The following SGSM2 variants were observed in gnomAD, a reference collection of about 807,000 sequenced individuals.
SGSM2 encodes the protein small G protein signaling modulator 2, also known as RUN and TBC1 domain containing 1.
SGSM2 carries 89 observed loss-of-function variants against 126.6 expected under a neutral mutation model. That is an observed-to-expected ratio of 0.70 (90% CI 0.59 to 0.84). The LOEUF (loss-of-function observed/expected upper bound fraction) is 0.84. Ranked by LOEUF, SGSM2 falls within the 40% of genes least tolerant of loss-of-function variation. The pLI, the probability that SGSM2 is intolerant of heterozygous loss-of-function variation, is 0.00. For synonymous variants in SGSM2, 614 were observed against 574.3 expected (o/e 1.07, Z -0.99); for missense variants, 1,404 against 1,416.6 (o/e 0.99, Z 0.14).
chr17:2,371,270 G>T lies in SGSM2; in HGVS notation c.1432G>T (p.Asp478Tyr), dbSNP rs1368071399. ...ACCCTTCCTGCCCGCAGACGCTGGT[G>T]ACATGATCGAGATGCAGGGCTTTGG... ...TAPNPMKDAGDMIEMQGFGPS... is the reference protein window; with the variant it reads ...TAPNPMKDAGYMIEMQGFGPS... Residue 478 changes from aspartate to tyrosine, a missense_variant, in exon 13 of 24, where the codon GAC (aspartate) becomes TAC (tyrosine). Coordinates refer to ENST00000268989, the MANE Select transcript of SGSM2 (RefSeq NM_014853.3). The T allele has an allele frequency of 3.1e-6, 5 of 1,611,732 alleles. No homozygotes were observed. In the African/African-American group the frequency reaches 4.0e-5, roughly 13 times the overall value.
At chr17:2,340,438 C>T (rs1358125860) in intron 1 of SGSM2, among the ~76,000 whole-genome samples, 1 of 152,062 alleles carries the variant, frequency 6.6e-6, no homozygotes, top group Non-Finnish European at 1.5e-5. Flanking sequence ...CTTTTTCCAC[C>T]AGTGCTTAGA....
Position 2,372,127 on chromosome 17 carries a change from TC to T in SGSM2, c.1578-62del, listed in dbSNP as rs2065898880. 1.6e-5 allele frequency: 25 copies of T among 1,583,608 alleles called. No homozygotes were observed. In the South Asian group the frequency reaches 2.7e-4, roughly 17 times the overall value. ...CCCCCCAGGACAGAGCCTCCTCCCTTCTCTCTCTCCTCCCACCAGAGGGGCC... is the reference window on the plus strand; with the variant it reads ...CCCCCCAGGACAGAGCCTCCTCCCTTTCTCTCTCCTCCCACCAGAGGGGCC... On this transcript the variant is annotated intron_variant, in intron 13 of 23. Transcript: ENST00000268989. This position sits in a 1 kb window ranked among gnomAD's most constrained non-coding sequence, Gnocchi z 6.0.
At position 2,379,207 on chromosome 17, in the gene SGSM2, C is replaced by T. The variant is rs765708716; in HGVS notation, c.3067+4C>T. 6.2e-6 allele frequency: 10 copies of T among 1,613,914 alleles called. No homozygotes were observed. The highest frequency in any genetic ancestry group is 3.3e-5 in the Admixed American group (2 of 60,000). On this transcript the variant is annotated splice_donor_region_variant and intron_variant, in intron 23 of 23. Coordinates refer to ENST00000268989, the MANE Select transcript of SGSM2 (RefSeq NM_014853.3). Reference sequence around the variant, plus strand: ...GACATCATCAAGTTTTTCAATGGTACGAGCTGGTCCAGCCATCCAGGCTGC... The same window carrying T: ...GACATCATCAAGTTTTTCAATGGTATGAGCTGGTCCAGCCATCCAGGCTGC...
In SGSM2 at chr17:2,364,033, C is replaced by T. The variant is rs192449783; in HGVS notation, c.808-26C>T. On this transcript the variant is annotated intron_variant, in intron 7 of 23. Coordinates refer to ENST00000268989, the MANE Select transcript of SGSM2 (RefSeq NM_014853.3). ...TGAGAGCCTCTCAGCCCTTCATCGTCGGTCTTCCGGTGTCTCCCGCTGTAG... is the reference window on the plus strand; with the variant it reads ...TGAGAGCCTCTCAGCCCTTCATCGTTGGTCTTCCGGTGTCTCCCGCTGTAG... The T allele has an allele frequency of 9.7e-4, 1,567 of 1,613,866 alleles. 2 individuals are homozygous for T. Among genetic ancestry groups the T allele is most frequent in the Non-Finnish European group, 1.3e-3 (1,499 of 1,179,948 alleles).
At position 2,337,862 on chromosome 17, in the gene SGSM2, G is replaced by T; in HGVS notation, c.57+117G>T. Reference sequence around the variant, plus strand: ...ACCCGGGCCGAACCTGGGCCGGGCGGGGCGGGTCCTGGACGGGCTGCGCCT... The same window carrying T: ...ACCCGGGCCGAACCTGGGCCGGGCGTGGCGGGTCCTGGACGGGCTGCGCCT... On this transcript the variant is annotated intron_variant, in intron 1 of 23. Coordinates refer to ENST00000268989, the MANE Select transcript of SGSM2 (RefSeq NM_014853.3). This position sits in a 1 kb window ranked among gnomAD's most constrained non-coding sequence, Gnocchi z 5.1. The T allele has an allele frequency of 1.7e-6, 1 of 599,758 alleles. No individual in the cohort carries two copies. Among genetic ancestry groups the T allele is most frequent in the Non-Finnish European group, 2.5e-6 (1 of 406,418 alleles). The allele number at this position is 599,758 out of a possible 1,614,324, so 37.2% of individuals were successfully genotyped here. A position where few individuals can be genotyped will look rare whatever the true frequency, so the allele number is the denominator to read the frequency against.
At chr17:2,376,580 G>A (rs990529998) in intron 19 of SGSM2, 153 bp from the exon 20 acceptor site, 13 of 857,940 alleles carry the variant, frequency 1.5e-5, no homozygotes, top group South Asian at 6.2e-5. Context: ...GTTGTTCCCC[G>A]TTGTCTCCCT....
intron 2 of SGSM2, among the ~76,000 whole-genome samples, chr17:2,352,411 G>A (rs112271956): frequency 3.7e-3 from 565 of 152,312 alleles, no homozygotes; most frequent in Non-Finnish European, 5.9e-3. Flanking sequence ...CTCCCCTGTC[G>A]TGCAGATGGC....
In SGSM2 at chr17:2,362,155, G is replaced by C. The variant is rs1478320563; in HGVS notation, c.343G>C (p.Ala115Pro). 1.2e-6 allele frequency: 2 copies of C among 1,613,858 alleles called. No homozygotes were observed. Among genetic ancestry groups the C allele is most frequent in the South Asian group, 2.2e-5 (2 of 91,090 alleles). The change falls in exon 4 of 24, where the codon GCC becomes CCC. Residue 115 changes from alanine to proline, a missense_variant. Ala to Pro is a conservative substitution (Grantham distance 27, BLOSUM62 -1). Coordinates refer to ENST00000268989, the MANE Select transcript of SGSM2 (RefSeq NM_014853.3). The surrounding 1 kb of genome is among the most constrained non-coding windows in gnomAD (Gnocchi z 4.9). ...GGAGGCCCTGCGGAGACAGGGCTCA[G>C]CCAGCGGGAAGGCCCCGGCCCTCAG... ...SQEALRRQGS[A>P]SGKAPALSPQ...
At chr17:2,361,939 G>A in intron 3 of SGSM2, 140 bp downstream of exon 3, 1 of 1,323,342 alleles carries the variant, frequency 7.6e-7, no homozygotes, top group Non-Finnish European at 1.0e-6. Flanking sequence ...CAGCTTGAGG[G>A]AGGGGATTGG....
intron 13 of SGSM2, chr17:2,371,702 C>T (rs940684862): frequency 2.1e-5 from 9 of 427,770 alleles, no homozygotes; most frequent in Non-Finnish European, 3.3e-5. Flanking sequence ...AGTGAAGGTC[C>T]GGAGTTGTGC....
In SGSM2 at chr17:2,372,804, A is replaced by T. The variant is rs1468319786; in HGVS notation, c.1789-149A>T. 9.3e-7 allele frequency: 1 copy of T among 1,080,378 alleles called. No individual in the cohort carries two copies. Among genetic ancestry groups the T allele is most frequent in the Admixed American group, 2.8e-5 (1 of 35,722 alleles). 66.9% of individuals were successfully genotyped at this position (1,080,378 alleles called of 1,614,324 possible). A position where few individuals can be genotyped will look rare whatever the true frequency, so the allele number is the denominator to read the frequency against. The stretch of plus-strand genomic sequence containing the variant: ...ATCCCACTGTGAGCTGGGGCACGGG[A>T]GGACGTGGCCACCCCAAAGCAGGCC... On this transcript the variant is annotated intron_variant, in intron 15 of 23. Transcript: ENST00000268989. This position sits in a 1 kb window ranked among gnomAD's most constrained non-coding sequence, Gnocchi z 6.0.
At position 2,380,106 on chromosome 17, in the gene SGSM2, G is replaced by C. The variant is rs1597405568; in HGVS notation, c.*586G>C. ...CTCCCCCGAGATTCTGGGGCAGTCG[G>C]AAGATGTGGGCCCTGGGTGGGAGCA... On this transcript the variant is annotated 3_prime_UTR_variant, in exon 24 of 24. Transcript: ENST00000268989. 1 of 1,399,298 alleles carries C rather than the reference G, an allele frequency of 7.1e-7. No individual in the cohort carries two copies. Among genetic ancestry groups the C allele is most frequent in the East Asian group, 2.7e-5 (1 of 36,450 alleles). The allele number at this position is 1,399,298 out of a possible 1,614,324, so 86.7% of individuals were successfully genotyped here. A position where few individuals can be genotyped will look rare whatever the true frequency, so the allele number is the denominator to read the frequency against.
Position 2,380,574 on chromosome 17 carries a change from C to G in SGSM2, c.*1054C>G. ...CCAAGAGGCCTAGGAACCCAGAAAC[C>G]CCCTTGGAGGAGCTGTGTATGCGGG... On this transcript the variant is annotated 3_prime_UTR_variant, in exon 24 of 24. Transcript: ENST00000268989. 1.9e-6 allele frequency: 1 copy of G among 533,140 alleles called. No individual in the cohort carries two copies. The highest frequency in any genetic ancestry group is 3.4e-6 in the Non-Finnish European group (1 of 294,944). The allele number at this position is 533,140 out of a possible 1,614,324, so 33.0% of individuals were successfully genotyped here.
At chr17:2,339,708 A>G (rs2064263554) in intron 1 of SGSM2, among the ~76,000 whole-genome samples, 1 of 134,990 alleles carries the variant, frequency 7.4e-6, no homozygotes, top group South Asian at 2.4e-4. Context: ...ACTCCATCTC[A>G]AAAAAAAAAA....
intron 17 of SGSM2, chr17:2,373,730 T>C (rs2151627397): frequency 1.8e-6 from 1 of 564,560 alleles, no homozygotes; most frequent in East Asian, 2.9e-5. Flanking sequence ...GAGAGTGCAT[T>C]GTGCTCAGTT....
rs146045413 is a variant in SGSM2, at chr17:2,363,030, G to T, written c.568G>T (p.Asp190Tyr). 1 of 1,614,002 alleles carries T rather than the reference G, an allele frequency of 6.2e-7. No individual in the cohort carries two copies. The highest frequency in any genetic ancestry group is 8.5e-7 in the Non-Finnish European group (1 of 1,180,032). ...GGAATACACTAAGCTCAAGACAGCC[G>T]ATCACTACTGGACTGACCCCTCTGC... ...ALEYTKLKTA[D>Y]HYWTDPSADE... The change falls in exon 6 of 24, where the codon GAT becomes TAT. Residue 190 changes from aspartate (D) to tyrosine (Y), a missense_variant. By Grantham distance (160) the Asp-to-Tyr change is radical. Transcript: ENST00000268989. This position sits in a 1 kb window ranked among gnomAD's most constrained non-coding sequence, Gnocchi z 4.2.
chr17:2,340,803 C>G (rs537236081), intron 1 of SGSM2, among the ~76,000 whole-genome samples: 16 of 152,212 alleles, frequency 1.1e-4, no homozygotes, highest in East Asian at 1.9e-4. Context: ...CCAGGATGGT[C>G]TCGATCTCCT....
chr17:2,365,323 G>A lies in SGSM2; in HGVS notation c.1270G>A (p.Gly424Ser), dbSNP rs746506441. The change falls in exon 11 of 24, where the codon GGC becomes AGC. Residue 424 changes from glycine to serine, a missense_variant. Physicochemically the swap from Gly to Ser is moderately conservative, Grantham distance 56. Coordinates refer to ENST00000268989, the MANE Select transcript of SGSM2 (RefSeq NM_014853.3). ...TDYVFRIIYP[G>S]HRHEHITINY... The stretch of plus-strand genomic sequence containing the variant: ...CTATGTGTTCCGGATCATCTACCCC[G>A]GCCACAGGCACGAGCACAGTGAGTG... 47 of 1,568,526 alleles carry A rather than the reference G, an allele frequency of 3.0e-5. No homozygotes were observed. The highest frequency in any genetic ancestry group is 1.8e-4 in the African/African-American group (13 of 73,734).
chr17:2,380,383 C>A lies in SGSM2; in HGVS notation c.*863C>A. The A allele has an allele frequency of 2.3e-6, 3 of 1,322,156 alleles. No homozygotes were observed. Among genetic ancestry groups the A allele is most frequent in the South Asian group, 2.5e-5 (2 of 79,412 alleles). 81.9% of individuals were successfully genotyped at this position (1,322,156 alleles called of 1,614,324 possible). A position where few individuals can be genotyped will look rare whatever the true frequency, so the allele number is the denominator to read the frequency against. On this transcript the variant is annotated 3_prime_UTR_variant, in exon 24 of 24. Coordinates refer to ENST00000268989, the MANE Select transcript of SGSM2 (RefSeq NM_014853.3). ...TGACTCTGTCGGGGAAGAATCCGGTCACAGCCTCCCCTCAGAGACAGGCCT... is the reference window on the plus strand; with the variant it reads ...TGACTCTGTCGGGGAAGAATCCGGTAACAGCCTCCCCTCAGAGACAGGCCT...
Sources: gnomAD v4.1 joint callset for allele counts (sites outside exome capture counted in the v4.1 genomes callset) on GRCh38, gnomAD v4.1.1 for gene constraint, Gnocchi (gnomAD v3.1) non-coding constraint, MANE v1.5 for transcripts, NCBI Gene and HGNC (gene_info 2026-07-23, HGNC 2026-07-21) for gene names.